Variants in PLXNA4 observed in about 807,000 individuals in gnomAD.
PLXNA4 encodes the protein plexin-A4.
PLXNA4 carries 44 observed loss-of-function variants against 191.8 expected under a neutral mutation model. The ratio of observed to expected loss-of-function variants is 0.23; its 90% CI spans 0.18 to 0.29. The LOEUF is 0.29. Among genes scored for constraint, PLXNA4 ranks in the 10% least tolerant of loss-of-function variants. The pLI is 1.00. For synonymous variants in PLXNA4, 1,082 were observed against 1,009.5 expected (o/e 1.07, Z -1.36); for missense variants, 1,800 against 2,488.8 (o/e 0.72, Z 5.89).
At chr7:132,585,821 G>A (rs1441457533) in intron 2 of PLXNA4, among the ~76,000 whole-genome samples, 2 of 152,116 alleles carry the variant, frequency 1.3e-5, no homozygotes, top group African/African-American at 2.4e-5. Context: ...ATGGGTGGGG[G>A]CTCTACCCTC....
intron 1 of PLXNA4, among the ~76,000 whole-genome samples, chr7:132,568,554 T>G (rs1250866050): frequency 1.3e-5 from 2 of 152,180 alleles, no homozygotes; most frequent in African/African-American, 2.4e-5. Context: ...CCAAATCTGC[T>G]GAGTCCCACC....
chr7:132,261,140 C>A (rs1799626867), intron 4 of PLXNA4, among the ~76,000 whole-genome samples: 1 of 152,208 alleles, frequency 6.6e-6, no homozygotes, highest in South Asian at 2.1e-4. Context: ...CTTGCTCTCA[C>A]ACGGCCAAAT....
chr7:132,226,273 A>T lies in PLXNA4; in HGVS notation c.1883-13T>A. 1 of 1,607,358 alleles carries T rather than the reference A, an allele frequency of 6.2e-7. No individual in the cohort carries two copies. Among genetic ancestry groups the T allele is most frequent in the Non-Finnish European group, 8.5e-7 (1 of 1,174,910 alleles). The stretch of plus-strand genomic sequence containing the variant: ...ACATGGTGGTCCCCTACAAGGAGAG[A>T]TGGCTGAGGGGTCAGGGAATGCTGA... On this transcript the variant is annotated splice_polypyrimidine_tract_variant and intron_variant, in intron 7 of 31. Transcript: ENST00000321063.
intron 2 of PLXNA4, among the ~76,000 whole-genome samples, chr7:132,604,157 C>T (rs930549224): frequency 1.3e-5 from 2 of 152,056 alleles, no homozygotes; most frequent in Admixed American, 6.5e-5. Flanking sequence ...GCGGGGGGCA[C>T]CTAACACAAG....
chr7:132,477,783 G>A (rs1281829071), intron 3 of PLXNA4, among the ~76,000 whole-genome samples: 1 of 152,156 alleles, frequency 6.6e-6, no homozygotes. Flanking sequence ...TTTTCTATGT[G>A]AAGAAAATGA....
chr7:132,306,485 T>C (rs1049426299), intron 3 of PLXNA4, among the ~76,000 whole-genome samples: 1 of 152,198 alleles, frequency 6.6e-6, no homozygotes, highest in African/African-American at 2.4e-5. Context: ...AACAGCAGTA[T>C]GATCTCTCTC....
At chr7:132,246,170 G>A (rs1041809495) in intron 4 of PLXNA4, among the ~76,000 whole-genome samples, 2 of 152,318 alleles carry the variant, frequency 1.3e-5, no homozygotes, top group Non-Finnish European at 2.9e-5. Flanking sequence ...ATGGCAGCAT[G>A]GATATGAAAA....
At chr7:132,415,491 C>T (rs1794629869) in intron 3 of PLXNA4, among the ~76,000 whole-genome samples, 1 of 152,104 alleles carries the variant, frequency 6.6e-6, no homozygotes. Context: ...ACAGATAAGA[C>T]TCAAATAAAA....
intron 3 of PLXNA4, among the ~76,000 whole-genome samples, chr7:132,386,286 C>T (rs17221264): frequency 0.079 from 12,051 of 152,258 alleles, 509 homozygotes; most frequent in African/African-American, 0.089. Flanking sequence ...ACAGCCTCTG[C>T]AGGGAGAACA....
At chr7:132,249,741 A>T (rs560344586) in intron 4 of PLXNA4, among the ~76,000 whole-genome samples, 5 of 152,248 alleles carry the variant, frequency 3.3e-5, no homozygotes, top group African/African-American at 1.2e-4. Context: ...GCCAGACACC[A>T]CTGGCTCCCG....
intron 3 of PLXNA4, among the ~76,000 whole-genome samples, chr7:132,330,811 C>A (rs1035803456): frequency 2.6e-5 from 4 of 152,178 alleles, no homozygotes; most frequent in Non-Finnish European, 2.9e-5. Context: ...CCCTGTGCAC[C>A]ATGTATCCCT....
intron 2 of PLXNA4, among the ~76,000 whole-genome samples, chr7:132,619,396 A>T (rs558072958): frequency 3.3e-5 from 5 of 152,236 alleles, no homozygotes; most frequent in Non-Finnish European, 5.9e-5. Flanking sequence ...AAACATAAAA[A>T]GTGATTTCAG....
In PLXNA4 at chr7:132,298,230, G is replaced by C; in HGVS notation, c.1372-8C>G. On this transcript the variant is annotated splice_polypyrimidine_tract_variant and splice_region_variant and intron_variant, in intron 3 of 31. Transcript: ENST00000321063. ...GGGTCCATCCACCCGGATCTGTGGA[G>C]AAGAAGAGGAGAGCCAAAGTGAGTT... The C allele has an allele frequency of 6.2e-7, 1 of 1,608,622 alleles. No homozygotes were observed. Among genetic ancestry groups the C allele is most frequent in the Non-Finnish European group, 8.5e-7 (1 of 1,177,480 alleles).
intron 3 of PLXNA4, among the ~76,000 whole-genome samples, chr7:132,300,307 G>T (rs1353227383): frequency 6.6e-6 from 1 of 152,092 alleles, no homozygotes; most frequent in African/African-American, 2.4e-5. Context: ...TATGTCTCCC[G>T]GTGGTGGCCA....
intron 3 of PLXNA4, among the ~76,000 whole-genome samples, chr7:132,480,240 A>G (rs1390472833): frequency 6.6e-6 from 1 of 152,224 alleles, no homozygotes; most frequent in Admixed American, 6.5e-5. Flanking sequence ...GAAAGTGAGG[A>G]AAGTAGGCAA....
chr7:132,561,626 TTCC>T lies in PLXNA4; in HGVS notation c.-87+14793_-87+14795del, dbSNP rs531397223. Among the ~76,000 whole-genome samples, 395 of 89,344 alleles carry T rather than the reference TTCC, an allele frequency of 4.4e-3. 4 individuals are homozygous for T. The highest frequency in any genetic ancestry group is 0.023 in the Middle Eastern group (2 of 86). The allele number at this position is 89,344 out of a possible 152,430, so 58.6% of individuals were successfully genotyped here. ...CCTCCTTCTCTTCCTCCTCCTCCTC[TTCC>T]TCCTCCTCCTTCTCCTCCTCTTCCT... is the stretch of plus-strand genomic sequence containing the variant. On this transcript the variant is annotated intron_variant, in intron 1 of 31. Transcript: ENST00000321063.
chr7:132,324,155 C>G (rs1479041407), intron 3 of PLXNA4, among the ~76,000 whole-genome samples: 1 of 151,920 alleles, frequency 6.6e-6, no homozygotes, highest in Non-Finnish European at 1.5e-5. Flanking sequence ...ATGCCAAGAT[C>G]CTTCCAAGAA....
intron 2 of PLXNA4, among the ~76,000 whole-genome samples, chr7:132,643,355 C>T (rs1190566156): frequency 6.6e-6 from 1 of 152,150 alleles, no homozygotes; most frequent in African/African-American, 2.4e-5. Context: ...CTAACACACA[C>T]GTGAAACACA....
At chr7:132,145,340 A>G in intron 28 of PLXNA4, 52 bp from the exon 29 acceptor site, 1 of 1,606,566 alleles carries the variant, frequency 6.2e-7, no homozygotes, top group Non-Finnish European at 8.5e-7. Flanking sequence ...AGTTCTGAGG[A>G]TGGCTTTTAA....
Sources: gnomAD v4.1 joint callset for allele counts (sites outside exome capture counted in the v4.1 genomes callset) on GRCh38, gnomAD v4.1.1 for gene constraint, MANE v1.5 for transcripts, NCBI Gene and HGNC (gene_info 2026-07-23, HGNC 2026-07-21) for gene names.